Variants in COL5A2 observed in about 807,000 individuals in gnomAD.
COL5A2 encodes the protein collagen alpha-2(V) chain.
Under a neutral mutation model 208.2 loss-of-function variants are expected in COL5A2, and 23 were observed. That is an observed-to-expected ratio of 0.11 (90% confidence interval 0.08 to 0.16). The LOEUF is 0.16. COL5A2 is among the 10% of genes least tolerant of loss of function. COL5A2 has a pLI of 1.00. For missense variants in COL5A2, 1,590 were observed against 1,956.4 expected (o/e 0.81, Z 3.53); for synonymous variants, 625 against 628.5 (o/e 0.99, Z 0.08).
the COL5A2 span, among the ~76,000 whole-genome samples, chr2:189,349,196 G>C: frequency 6.6e-6 from 1 of 152,170 alleles, no homozygotes; most frequent in Non-Finnish European, 1.5e-5. Context: ...CCTAAAGAAA[G>C]GATAAAGGTT....
At chr2:189,202,820 A>C (rs1689094837) in intron 1 of COL5A2, among the ~76,000 whole-genome samples, 1 of 152,106 alleles carries the variant, frequency 6.6e-6, no homozygotes. Context: ...TCATTTATTA[A>C]CCTTTTCTAG....
chr2:189,042,807 A>C (rs550921030), intron 48 of COL5A2, 34 bp from the exon 49 acceptor site: 5 of 1,583,490 alleles, frequency 3.2e-6, no homozygotes, highest in Non-Finnish European at 4.3e-6. Flanking sequence ...TGTTGCCAAA[A>C]TATTTGGATC....
chr2:189,134,871 C>T (rs1395778443), intron 1 of COL5A2, among the ~76,000 whole-genome samples: 1 of 152,024 alleles, frequency 6.6e-6, no homozygotes, highest in African/African-American at 2.4e-5. Context: ...TCTTCTAATC[C>T]CAATTAATTT....
At chr2:189,366,047 G>A in the COL5A2 span, among the ~76,000 whole-genome samples, 1 of 152,090 alleles carries the variant, frequency 6.6e-6, no homozygotes, top group Non-Finnish European at 1.5e-5. Flanking sequence ...TATATTATTT[G>A]CAATCATTAC....
At chr2:189,092,131 T>C (rs542618430) in intron 7 of COL5A2, among the ~76,000 whole-genome samples, 179 bp downstream of exon 7, 1 of 152,348 alleles carries the variant, frequency 6.6e-6, no homozygotes, top group East Asian at 1.9e-4. Context: ...CTTCTTCCAA[T>C]TTTTCCAACA....
intron 16 of COL5A2, among the ~76,000 whole-genome samples, chr2:189,078,155 G>A (rs1559093084): frequency 6.6e-6 from 1 of 152,068 alleles, no homozygotes. Context: ...CATATAATAA[G>A]CTCTTGATAA....
intron 10 of COL5A2, among the ~76,000 whole-genome samples, 197 bp downstream of exon 10, chr2:189,085,522 A>G (rs1576516766): frequency 1.3e-5 from 2 of 152,224 alleles, no homozygotes; most frequent in East Asian, 3.8e-4. Flanking sequence ...AAATAAATTT[A>G]AATAGTCTTT....
In COL5A2 at chr2:189,041,574, T is replaced by C. The variant is rs886055353; in HGVS notation, c.3633+12A>G. 6 of 1,585,948 alleles carry C rather than the reference T, an allele frequency of 3.8e-6. No homozygotes were observed. On this transcript the variant is annotated intron_variant, in intron 50 of 53. Coordinates refer to ENST00000374866, the MANE Select transcript of COL5A2 (RefSeq NM_000393.5). ...AATAGCATTTCTTGCATGTAAACCT[T>C]TGTGACTTTACCTCAGGTCCTGCTT... is the stretch of plus-strand genomic sequence containing the variant.
the COL5A2 span, among the ~76,000 whole-genome samples, chr2:189,407,297 C>G: frequency 5.7e-3 from 871 of 152,124 alleles, 13 homozygotes; most frequent in African/African-American, 0.02. Context: ...GTTTTAAAAT[C>G]CCTTGCCTTG....
At chr2:189,181,749 C>T (rs898776562), upstream of COL5A2, among the ~76,000 whole-genome samples, 5 of 152,210 alleles carry the variant, frequency 3.3e-5, no homozygotes, top group Admixed American at 6.5e-5. Flanking sequence ...GTATGGAACA[C>T]TCAGTGGCTG....
At chr2:189,131,808 T>C (rs1370608585) in intron 1 of COL5A2, among the ~76,000 whole-genome samples, 1 of 152,246 alleles carries the variant, frequency 6.6e-6, no homozygotes, top group Non-Finnish European at 1.5e-5. Flanking sequence ...TCTTCATCCA[T>C]ATACATAATT....
At chr2:189,093,323 C>CT (rs1438846819) in intron 6 of COL5A2, among the ~76,000 whole-genome samples, 3 of 152,084 alleles carry the variant, frequency 2.0e-5, no homozygotes, top group African/African-American at 7.2e-5. Flanking sequence ...AGGCAATATG[C>CT]TTTTTATAAT....
At chr2:189,361,488 C>T in the COL5A2 span, among the ~76,000 whole-genome samples, 1 of 151,688 alleles carries the variant, frequency 6.6e-6, no homozygotes, top group Non-Finnish European at 1.5e-5. Flanking sequence ...TCACTTTCCA[C>T]CTGTGTGTGT....
the COL5A2 span, among the ~76,000 whole-genome samples, chr2:189,436,364 G>A: frequency 6.6e-6 from 1 of 152,146 alleles, no homozygotes; most frequent in Non-Finnish European, 1.5e-5. Flanking sequence ...CAGAATGGGA[G>A]GTGCCTGTTG....
At chr2:189,158,405 T>G (rs1688296737) in intron 1 of COL5A2, among the ~76,000 whole-genome samples, 1 of 152,046 alleles carries the variant, frequency 6.6e-6, no homozygotes, top group Non-Finnish European at 1.5e-5. Context: ...CATCATTTTA[T>G]TAGTATTCAA....
chr2:189,064,889 C>G, intron 24 of COL5A2, 115 bp downstream of exon 24: 1 of 1,013,400 alleles, frequency 9.9e-7, no homozygotes, highest in Admixed American at 2.0e-5. Flanking sequence ...GTATTTGTAT[C>G]CATCTCCTTT....
At chr2:189,406,353 T>C in the COL5A2 span, among the ~76,000 whole-genome samples, 6 of 152,208 alleles carry the variant, frequency 3.9e-5, no homozygotes, top group African/African-American at 9.6e-5. Context: ...GACTCCATCT[T>C]TGGGATAATA....
chr2:189,226,973 A>G (rs1348411021), upstream of COL5A2, among the ~76,000 whole-genome samples: 1 of 152,166 alleles, frequency 6.6e-6, no homozygotes, highest in Non-Finnish European at 1.5e-5. Context: ...CAGAGAAAGC[A>G]AAAGATTATG....
chr2:189,233,058 G>A, the COL5A2 span, among the ~76,000 whole-genome samples: 11 of 151,712 alleles, frequency 7.3e-5, no homozygotes, highest in Admixed American at 4.6e-4. Flanking sequence ...TGGATTTCTA[G>A]TATACTTAGT....
Sources: gnomAD v4.1 joint callset for allele counts (sites outside exome capture counted in the v4.1 genomes callset) on GRCh38, gnomAD v4.1.1 for gene constraint, MANE v1.5 for transcripts, NCBI Gene and HGNC (gene_info 2026-07-23, HGNC 2026-07-21) for gene names.